The following SORD variants were observed in gnomAD, a reference collection of about 807,000 sequenced individuals.
The protein encoded by SORD is (R,R)-butanediol dehydrogenase.
In SORD, 18 loss-of-function variants were observed where a neutral mutation model predicts 35.6. The ratio of observed to expected loss-of-function variants is 0.51; its 90% confidence interval spans 0.35 to 0.75. The LOEUF is 0.75. SORD is among the 30% of genes least tolerant of loss of function. The pLI, the probability that SORD is intolerant of heterozygous loss-of-function variation, is 0.01. For missense variants in SORD, 250 were observed against 390.2 expected (o/e 0.64, Z 3.03); for synonymous variants, 106 against 152.9 (o/e 0.69, Z 2.26).
chr15:45,060,364 A>AG (rs1481804180), intron 3 of SORD, among the ~76,000 whole-genome samples: 8 of 152,172 alleles, frequency 5.3e-5, no homozygotes, highest in African/African-American at 1.9e-4. Flanking sequence ...AGATAGAAAA[A>AG]ATAACAATTA....
At chr15:45,035,366 C>T (rs572803393) in intron 1 of SORD, among the ~76,000 whole-genome samples, 1 of 152,246 alleles carries the variant, frequency 6.6e-6, no homozygotes, top group South Asian at 2.1e-4. Context: ...AATCGGCACT[C>T]GGTATTTAGC....
chr15:45,061,996 TG>T (rs554951487), intron 4 of SORD, among the ~76,000 whole-genome samples: 378 of 152,190 alleles, frequency 2.5e-3, no homozygotes, highest in African/African-American at 8.7e-3. Flanking sequence ...TACTCCCTCC[TG>T]GCAAGTGATT....
intron 1 of SORD, among the ~76,000 whole-genome samples, chr15:45,025,252 C>G (rs114949504): frequency 0.013 from 1,927 of 152,220 alleles, 43 homozygotes; most frequent in African/African-American, 0.041. Context: ...AGGAAAACAC[C>G]TAGGCTCAGT....
chr15:45,040,307 A>T (rs1892945444), intron 1 of SORD, 101 bp from the exon 2 acceptor site: 1 of 839,424 alleles, frequency 1.2e-6, no homozygotes, highest in African/African-American at 1.7e-5. Context: ...TCTAAGAAGA[A>T]ATAAACTATT....
chr15:45,070,625 A>G (rs1296302577), intron 7 of SORD: 1 of 152,236 alleles, frequency 6.6e-6, no homozygotes, highest in Non-Finnish European at 1.5e-5. Flanking sequence ...GAGAGGAACA[A>G]TGGATCTGTG....
rs1491562181 is a variant in SORD at position 45,073,558 on chromosome 15, C to CA, written c.*29dup. ...TTAATGGGCTCTGCCCTCATCCCCA[C>CA]AGTCTTGGGATCTCAGGGCACAATG... On this transcript the variant is annotated 3_prime_UTR_variant, in exon 9 of 9. Coordinates refer to ENST00000267814, the MANE Select transcript of SORD (RefSeq NM_003104.6). 9.4e-6 allele frequency: 15 copies of CA among 1,599,662 alleles called. No individual in the cohort carries two copies. The highest frequency in any genetic ancestry group is 1.7e-4 in the Middle Eastern group (1 of 5,960).
intron 3 of SORD, among the ~76,000 whole-genome samples, chr15:45,048,021 G>C (rs1486143360): frequency 6.6e-6 from 1 of 152,214 alleles, no homozygotes; most frequent in Non-Finnish European, 1.5e-5. Flanking sequence ...GGCCATTGCT[G>C]TATTGACAGT....
chr15:45,024,433 A>G (rs1349896353), intron 1 of SORD, among the ~76,000 whole-genome samples: 2 of 152,192 alleles, frequency 1.3e-5, no homozygotes, highest in Non-Finnish European at 2.9e-5. Context: ...AAGCCCCTCT[A>G]TAGAACCCTT....
intron 1 of SORD, among the ~76,000 whole-genome samples, chr15:45,029,073 C>T (rs1892726606): frequency 6.6e-6 from 1 of 152,246 alleles, no homozygotes; most frequent in African/African-American, 2.4e-5. Context: ...AAGTCAGAGA[C>T]ACTTGAGAGT....
chr15:45,029,892 G>A lies in SORD; in HGVS notation c.66+6543G>A, dbSNP rs181896471. On this transcript the variant is annotated intron_variant, in intron 1 of 8. Coordinates refer to ENST00000267814, the MANE Select transcript of SORD (RefSeq NM_003104.6). ...CAGGTCATTTCCCCCTCTACCAACT[G>A]AGTCTGGGATCTTTATAGGCACAGG... 7.9e-5 allele frequency among the ~76,000 whole-genome samples: 12 copies of A among 152,400 alleles called. No homozygotes were observed. The East Asian group carries it at 2.3e-3, about 29-fold the overall frequency.
At chr15:45,030,437 G>A (rs1334890690) in intron 1 of SORD, among the ~76,000 whole-genome samples, 2 of 152,252 alleles carry the variant, frequency 1.3e-5, no homozygotes, top group Admixed American at 1.3e-4. Flanking sequence ...GAAGCTGGCA[G>A]TTTTCCCCAA....
intron 4 of SORD, among the ~76,000 whole-genome samples, chr15:45,063,697 T>C (rs1283121157): frequency 6.6e-6 from 1 of 152,184 alleles, no homozygotes; most frequent in Non-Finnish European, 1.5e-5. Flanking sequence ...CAAGCCACCC[T>C]CTGCATAGAG....
chr15:45,038,621 TAG>T (rs1892912995), intron 1 of SORD, among the ~76,000 whole-genome samples: 1 of 152,148 alleles, frequency 6.6e-6, no homozygotes, highest in African/African-American at 2.4e-5. Context: ...CACTTGAGTT[TAG>T]GGACAAGCAG....
intron 1 of SORD, among the ~76,000 whole-genome samples, chr15:45,029,280 G>A (rs75061825): frequency 0.21 from 31,278 of 150,972 alleles, no homozygotes; most frequent in African/African-American, 0.44. Flanking sequence ...CTCTGGAAAG[G>A]CAATGCCTTT....
chr15:45,023,404 G>C, intron 1 of SORD, 55 bp downstream of exon 1: 1 of 1,414,620 alleles, frequency 7.1e-7, no homozygotes, highest in Non-Finnish European at 9.4e-7. Flanking sequence ...TCTCCTCTGA[G>C]CCCAGCCATA....
chr15:45,069,802 T>G lies in SORD; in HGVS notation c.786+750T>G, dbSNP rs182323485. The G allele has an allele frequency of 3.9e-5, 6 of 152,312 alleles. No homozygotes were observed. In the East Asian group the frequency reaches 1.2e-3, roughly 29 times the overall value. The allele number at this position is 152,312 out of a possible 1,614,324, so 9.4% of individuals were successfully genotyped here. ...AAAATAACAGTCATTTAGTTAGTCA[T>G]GAAGGTGAGGTGATTTTCCAGGGTC... On this transcript the variant is annotated intron_variant, in intron 7 of 8. Coordinates refer to ENST00000267814, the MANE Select transcript of SORD (RefSeq NM_003104.6).
chr15:45,027,243 CAG>C (rs1203279834), intron 1 of SORD, among the ~76,000 whole-genome samples: 2 of 152,252 alleles, frequency 1.3e-5, no homozygotes, highest in Non-Finnish European at 2.9e-5. Flanking sequence ...AAGAAGCAAA[CAG>C]TGTCAGCTTG....
chr15:45,072,910 C>T (rs1342344262), intron 8 of SORD, among the ~76,000 whole-genome samples: 3 of 137,218 alleles, frequency 2.2e-5, no homozygotes, highest in South Asian at 4.3e-4. Flanking sequence ...CCTGCTGGGG[C>T]CCTCTGGCTG....
chr15:45,062,287 G>A (rs967099917), intron 4 of SORD, among the ~76,000 whole-genome samples: 9 of 152,236 alleles, frequency 5.9e-5, no homozygotes, highest in Non-Finnish European at 7.3e-5. Flanking sequence ...CCTGCCCTGT[G>A]CCCACTCCCC....
Sources: allele counts gnomAD v4.1 joint callset (sites outside exome capture counted in the v4.1 genomes callset), GRCh38; gene constraint gnomAD v4.1.1; transcripts MANE v1.5; gene names NCBI Gene and HGNC (gene_info 2026-07-23, HGNC 2026-07-21).